TRPC3: variants seen among roughly 807,000 people sequenced by gnomAD.
TRPC3 encodes transient receptor potential cation channel subfamily C member 3.
Under a neutral mutation model 90.9 loss-of-function variants are expected in TRPC3, and 54 were observed. That is an observed-to-expected ratio of 0.59 (90% CI 0.48 to 0.75). The LOEUF is 0.75. TRPC3 is among the 30% of genes least tolerant of loss of function. The pLI is 0.00. For synonymous variants in TRPC3, 424 were observed against 450.9 expected (o/e 0.94, Z 0.75); for missense variants, 918 against 1,194.5 (o/e 0.77, Z 3.41).
chr4:121,905,463 A>G (rs1322435606), intron 7 of TRPC3, among the ~76,000 whole-genome samples: 2 of 152,116 alleles, frequency 1.3e-5, no homozygotes, highest in African/African-American at 2.4e-5. Flanking sequence ...CACCACAACA[A>G]TTAGCACTTA....
chr4:121,933,193 C>G, intron 1 of TRPC3, 151 bp from the exon 2 acceptor site: 1 of 1,341,990 alleles, frequency 7.5e-7, no homozygotes, highest in Non-Finnish European at 9.6e-7. Context: ...TTGCTAACTA[C>G]TCGCCTGAAA....
Position 121,951,373 on chromosome 4 carries a change from G to C in TRPC3, c.215+93C>G, listed in dbSNP as rs1214587965. 2.4e-6 allele frequency: 2 copies of C among 844,924 alleles called. No individual in the cohort carries two copies. The highest frequency in any genetic ancestry group is 3.0e-6 in the Non-Finnish European group (2 of 669,982). 52.3% of individuals were successfully genotyped at this position (844,924 alleles called of 1,614,324 possible). A position where few individuals can be genotyped will look rare whatever the true frequency, so the allele number is the denominator to read the frequency against. ...GTACCATGTGGGTCTCGGAGGTCCC[G>C]GGCTCGACGTGGAGCCGCCCGGCGC... On this transcript the variant is annotated intron_variant, in intron 1 of 11. Coordinates refer to ENST00000379645, the MANE Select transcript of TRPC3 (RefSeq NM_001130698.2). This position sits in a 1 kb window ranked among gnomAD's most constrained non-coding sequence, Gnocchi z 4.4.
At position 121,877,445 on chromosome 4, in the gene TRPC3, C is replaced by T. The variant is rs572679058; in HGVS notation, c.*2291G>A. On this transcript the variant is annotated 3_prime_UTR_variant, in exon 12 of 12. Transcript: ENST00000379645. Reference sequence around the variant, plus strand: ...AGGGGCCAGCCCTTTGTGCCCCCACCCATCAGTCACTGGCCATGGGGAGGC... The same window carrying T: ...AGGGGCCAGCCCTTTGTGCCCCCACTCATCAGTCACTGGCCATGGGGAGGC... 1.3e-5 allele frequency among the ~76,000 whole-genome samples: 2 copies of T among 152,248 alleles called. No homozygotes were observed. Among genetic ancestry groups the T allele is most frequent in the South Asian group, 4.1e-4 (2 of 4,824 alleles).
intron 3 of TRPC3, among the ~76,000 whole-genome samples, chr4:121,922,460 C>G (rs1330867321): frequency 6.6e-6 from 1 of 152,214 alleles, no homozygotes; most frequent in Non-Finnish European, 1.5e-5. Flanking sequence ...AGTCCTAAAT[C>G]TCCTTACAGT....
At chr4:121,942,683 G>A (rs76006896) in intron 1 of TRPC3, among the ~76,000 whole-genome samples, 1 of 152,172 alleles carries the variant, frequency 6.6e-6, no homozygotes, top group African/African-American at 2.4e-5. Flanking sequence ...TTAAGGAGAG[G>A]AACCCTGGTC....
intron 10 of TRPC3, among the ~76,000 whole-genome samples, chr4:121,893,016 G>C (rs1428806172): frequency 1.3e-5 from 2 of 151,672 alleles, no homozygotes; most frequent in African/African-American, 4.8e-5. Flanking sequence ...AGCTACTCGG[G>C]AGGCTGAGGC....
At chr4:121,915,612 T>C in intron 3 of TRPC3, among the ~76,000 whole-genome samples, 1 of 152,228 alleles carries the variant, frequency 6.6e-6, no homozygotes, top group Non-Finnish European at 1.5e-5. Context: ...AGAACATGAC[T>C]ATTTATCTTC....
chr4:121,942,754 T>TCCTCAGCAGCTAAAAC (rs1730362854), intron 1 of TRPC3, among the ~76,000 whole-genome samples: 1 of 152,186 alleles, frequency 6.6e-6, no homozygotes, highest in South Asian at 2.1e-4. Flanking sequence ...TTTGCCAGAT[T>TCCTCAGCAGCTAAAAC]CCTCAGCAGC....
intron 10 of TRPC3, among the ~76,000 whole-genome samples, chr4:121,885,812 GCTAA>G (rs4001034): frequency 0.39 from 58,549 of 151,516 alleles, 11,355 homozygotes; most frequent in East Asian, 0.64. Context: ...TGCTCAAATT[GCTAA>G]CTAACTAACA....
At chr4:121,941,997 A>G (rs1730333968) in intron 1 of TRPC3, among the ~76,000 whole-genome samples, 1 of 152,162 alleles carries the variant, frequency 6.6e-6, no homozygotes, top group Non-Finnish European at 1.5e-5. Flanking sequence ...GCCTGCATCT[A>G]CCTACACATC....
intron 2 of TRPC3, among the ~76,000 whole-genome samples, chr4:121,930,152 G>A (rs1166036993): frequency 6.6e-6 from 1 of 152,144 alleles, no homozygotes; most frequent in Non-Finnish European, 1.5e-5. Context: ...GTAAAAATGA[G>A]AAAGAAAAGG....
intron 3 of TRPC3, among the ~76,000 whole-genome samples, chr4:121,921,917 TTG>T: frequency 8.5e-6 from 1 of 117,054 alleles, no homozygotes; most frequent in African/African-American, 3.0e-5. Flanking sequence ...GGGTTTTTTT[TTG>T]TTTTTTTTTT....
chr4:121,908,335 T>G (rs974008524), intron 6 of TRPC3, among the ~76,000 whole-genome samples: 27 of 152,170 alleles, frequency 1.8e-4, no homozygotes, highest in Admixed American at 5.2e-4. Flanking sequence ...CTCAAAGAAC[T>G]TAAAACAGAA....
intron 4 of TRPC3, among the ~76,000 whole-genome samples, chr4:121,913,803 T>G (rs1729196817): frequency 1.3e-5 from 2 of 152,200 alleles, no homozygotes; most frequent in Admixed American, 1.3e-4. Context: ...CTGCCTTAAT[T>G]TGCATGGGCA....
At chr4:121,882,525 ACTC>A in intron 10 of TRPC3, 96 bp from the exon 11 acceptor site, 4 of 1,126,736 alleles carry the variant, frequency 3.6e-6, no homozygotes, top group Non-Finnish European at 4.9e-6. Context: ...AAAGCAAACA[ACTC>A]AGGGGAGAAA....
chr4:121,932,778 C>CAGGT lies in TRPC3; in HGVS notation c.476_479dup (p.Glu161ProfsTer53), dbSNP rs1729992291. The CAGGT allele has an allele frequency of 1.9e-6, 3 of 1,612,576 alleles. No individual in the cohort carries two copies. Among genetic ancestry groups the CAGGT allele is most frequent in the Non-Finnish European group, 2.5e-6 (3 of 1,178,956 alleles). Reference sequence around the variant, plus strand: ...TCTTGAGCAGCAGCTCGGTCACCTCCAGGTGCTCGTTGCCCACAGCCAGCT... The same window carrying CAGGT: ...TCTTGAGCAGCAGCTCGGTCACCTCCAGGTAGGTGCTCGTTGCCCACAGCCAGCT... On this transcript the variant is annotated frameshift_variant, in exon 2 of 12. Coordinates refer to ENST00000379645, the MANE Select transcript of TRPC3 (RefSeq NM_001130698.2). LOFTEE classifies it high-confidence loss of function. This position sits in a 1 kb window ranked among gnomAD's most constrained non-coding sequence, Gnocchi z 7.7.
In TRPC3 at chr4:121,879,276, G is replaced by T. The variant is rs573287668; in HGVS notation, c.*460C>A. The T allele has an allele frequency of 6.6e-6, 1 of 150,746 alleles. No homozygotes were observed. Among genetic ancestry groups the T allele is most frequent in the Admixed American group, 6.6e-5 (1 of 15,082 alleles). 9.3% of individuals were successfully genotyped at this position (150,746 alleles called of 1,614,324 possible). A position where few individuals can be genotyped will look rare whatever the true frequency, so the allele number is the denominator to read the frequency against. On this transcript the variant is annotated 3_prime_UTR_variant, in exon 12 of 12. Coordinates refer to ENST00000379645, the MANE Select transcript of TRPC3 (RefSeq NM_001130698.2). Reference sequence around the variant, plus strand: ...CTCTTCAGAACTTGGACAAGGGAAGGTATGCTACATAGTGAAGACTTTTTA... The same window carrying T: ...CTCTTCAGAACTTGGACAAGGGAAGTTATGCTACATAGTGAAGACTTTTTA...
chr4:121,932,959 A>G lies in TRPC3; in HGVS notation c.299T>C (p.Phe100Ser). The G allele has an allele frequency of 1.9e-6, 3 of 1,613,460 alleles. No homozygotes were observed. The highest frequency in any genetic ancestry group is 1.7e-6 in the Non-Finnish European group (2 of 1,179,722). Reference protein sequence around the residue: ...GRRQAVRGPAFMFNDRGTSLT... With the variant: ...GRRQAVRGPASMFNDRGTSLT... ...GCTGGTGCCGCGGTCATTGAACATG[A>G]AGGCCGGGCCCCTGACAGCCTGGCG... Residue 100 changes from phenylalanine to serine, a missense_variant, in exon 2 of 12, where the codon TTC becomes TCC. Physicochemically the swap from Phe to Ser is radical, Grantham distance 155 (BLOSUM62 -2). Transcript: ENST00000379645. The surrounding 1 kb of genome is among the most constrained non-coding windows in gnomAD (Gnocchi z 7.7).
At position 121,895,761 on chromosome 4, in the gene TRPC3, C is replaced by G. The variant is rs1008165839; in HGVS notation, c.2547+3851G>C. On this transcript the variant is annotated intron_variant, in intron 10 of 11. Transcript: ENST00000379645. ...GGTTTCACTGCTGAATTCTACTGAA[C>G]CTTTAAAGAAGAATTAATACTAATT... Among the ~76,000 whole-genome samples, 3 of 152,070 alleles carry G rather than the reference C, an allele frequency of 2.0e-5. No individual in the cohort carries two copies. In the South Asian group the frequency reaches 6.2e-4, roughly 32 times the overall value.
Sources: allele counts gnomAD v4.1 joint callset (sites outside exome capture counted in the v4.1 genomes callset), GRCh38; gene constraint gnomAD v4.1.1; non-coding constraint Gnocchi (gnomAD v3.1); transcripts MANE v1.5; gene names NCBI Gene and HGNC (gene_info 2026-07-23, HGNC 2026-07-21).